Variants in BTRC observed in about 807,000 individuals in gnomAD.
BTRC encodes beta-transducin repeat containing E3 ubiquitin protein ligase, also known as F-box/WD repeat-containing protein 1A.
In BTRC, 42 loss-of-function variants were observed where a neutral mutation model predicts 85.5. The observed-to-expected ratio is 0.49, with a 90% CI of 0.38 to 0.64. The LOEUF (loss-of-function observed/expected upper bound fraction) is 0.64, where lower values mean the gene tolerates loss of function less well. Among genes scored for constraint, BTRC ranks in the 30% least tolerant of loss-of-function variants. BTRC has a pLI of 0.00. For synonymous variants in BTRC, 255 were observed against 263.3 expected, an observed-to-expected ratio of 0.97 and a Z score of 0.30; for missense variants, 594 against 743.5, an observed-to-expected ratio of 0.80 and a Z score of 2.34.
intron 2 of BTRC, among the ~76,000 whole-genome samples, chr10:101,453,203 A>G (rs1261353016): frequency 6.6e-6 from 1 of 152,238 alleles, no homozygotes; most frequent in African/African-American, 2.4e-5. Context: ...TTACCATTGA[A>G]GTTCACTATA....
At chr10:101,508,621 G>A (rs1312361661) in intron 4 of BTRC, among the ~76,000 whole-genome samples, 1 of 152,096 alleles carries the variant, frequency 6.6e-6, no homozygotes, top group Non-Finnish European at 1.5e-5. Flanking sequence ...TAAAGTTTAA[G>A]AACTAAAAGT....
intron 1 of BTRC, among the ~76,000 whole-genome samples, chr10:101,366,967 AATATATATTTATATATTT>A (rs1942453237): frequency 3.3e-5 from 1 of 30,020 alleles, no homozygotes; most frequent in African/African-American, 8.3e-5. Flanking sequence ...TATTTATATA[AATATATATTTATATATTT>A]ATATATATTA....
chr10:101,525,011 A>G (rs537168931), intron 5 of BTRC, among the ~76,000 whole-genome samples: 1 of 152,362 alleles, frequency 6.6e-6, no homozygotes, highest in African/African-American at 2.4e-5. Context: ...GAGTGAGAGT[A>G]TGAAGGAATC....
At chr10:101,522,716 C>T (rs1358381755) in intron 5 of BTRC, among the ~76,000 whole-genome samples, 2 of 152,086 alleles carry the variant, frequency 1.3e-5, no homozygotes, top group East Asian at 3.9e-4. Context: ...CCACCGTACC[C>T]AGCCAAGACT....
chr10:101,389,126 T>G (rs1297168641), intron 1 of BTRC, among the ~76,000 whole-genome samples: 3 of 134,072 alleles, frequency 2.2e-5, no homozygotes, highest in South Asian at 2.6e-4. Flanking sequence ...TGTGTTTTTT[T>G]TTTTTTTTTT....
rs561036899 is a variant in BTRC at position 101,544,034 on chromosome 10, A to G, written c.1656+5663A>G. On this transcript the variant is annotated intron_variant, in intron 13 of 14. Coordinates refer to ENST00000370187, the MANE Select transcript of BTRC (RefSeq NM_033637.4). Reference sequence around the variant, plus strand: ...AAGCAATTCTCCTGCCTCAGCCTCCAGAGTAGCTGGGACTACAGGCGCCCG... The same window carrying G: ...AAGCAATTCTCCTGCCTCAGCCTCCGGAGTAGCTGGGACTACAGGCGCCCG... 5.3e-5 allele frequency among the ~76,000 whole-genome samples: 8 copies of G among 152,044 alleles called. No homozygotes were observed. The South Asian group carries it at 1.2e-3, about 24-fold the overall frequency.
intron 13 of BTRC, among the ~76,000 whole-genome samples, chr10:101,547,340 T>TTC (rs1554899040): frequency 7.1e-6 from 1 of 139,954 alleles, no homozygotes; most frequent in Non-Finnish European, 1.6e-5. Context: ...TTTTTTTTTT[T>TTC]TTTTTTTTTT....
intron 1 of BTRC, among the ~76,000 whole-genome samples, chr10:101,406,648 C>T (rs1157648222): frequency 1.3e-5 from 2 of 149,564 alleles, no homozygotes. Flanking sequence ...ATTCTCCTGC[C>T]TCAGCCTCCC....
Position 101,556,867 on chromosome 10 carries a change from G to A in BTRC, c.*3744G>A, listed in dbSNP as rs1289293698. On this transcript the variant is annotated 3_prime_UTR_variant, in exon 15 of 15. Transcript: ENST00000370187. The stretch of plus-strand genomic sequence containing the variant: ...AGCACAGCTGGCGCTCTTAGCTCCT[G>A]ATTGGTTGTGTGTTTTATTAAGGAT... 1 of 152,234 alleles carries A rather than the reference G, an allele frequency of 6.6e-6. No homozygotes were observed. The highest frequency in any genetic ancestry group is 1.5e-5 in the Non-Finnish European group (1 of 68,056). 9.4% of individuals were successfully genotyped at this position (152,234 alleles called of 1,614,324 possible).
intron 13 of BTRC, among the ~76,000 whole-genome samples, chr10:101,545,982 C>A (rs2062552388): frequency 6.6e-6 from 1 of 152,144 alleles, no homozygotes; most frequent in South Asian, 2.1e-4. Context: ...AGGCAAAAAA[C>A]CATAGAACTG....
intron 4 of BTRC, among the ~76,000 whole-genome samples, chr10:101,493,241 A>T (rs1239478427): frequency 6.6e-6 from 1 of 152,234 alleles, no homozygotes. Flanking sequence ...AAAGTGAAAA[A>T]TTTTTAAAAA....
At chr10:101,372,501 G>C (rs1184963266) in intron 1 of BTRC, among the ~76,000 whole-genome samples, 2 of 148,518 alleles carry the variant, frequency 1.3e-5, no homozygotes, top group African/African-American at 4.9e-5. Context: ...TGATCTGCCC[G>C]CCTCGGCCTC....
intron 3 of BTRC, among the ~76,000 whole-genome samples, chr10:101,475,922 C>CAAATATATATAT (rs1945667258): frequency 1.5e-5 from 1 of 67,538 alleles, no homozygotes; most frequent in African/African-American, 4.9e-5. Flanking sequence ...AGTATTTTGC[C>CAAATATATATAT]ATATATATAT....
intron 6 of BTRC, among the ~76,000 whole-genome samples, chr10:101,530,818 A>G (rs552199914): frequency 2.0e-5 from 3 of 152,342 alleles, no homozygotes; most frequent in East Asian, 3.9e-4. Flanking sequence ...GCAGACAGCT[A>G]TGGAGAGTAT....
At chr10:101,370,734 T>C (rs1446794454) in intron 1 of BTRC, among the ~76,000 whole-genome samples, 1 of 151,058 alleles carries the variant, frequency 6.6e-6, no homozygotes. Context: ...AAACATCGGC[T>C]AATTTTTTTG....
chr10:101,354,099 G>C (rs1435086336), upstream of BTRC: 3 of 1,484,354 alleles, frequency 2.0e-6, no homozygotes, highest in African/African-American at 2.8e-5. Context: ...AAGAGGAGGC[G>C]GGATCCGGGC....
At chr10:101,467,585 T>C (rs1006522310) in intron 3 of BTRC, among the ~76,000 whole-genome samples, 1 of 152,078 alleles carries the variant, frequency 6.6e-6, no homozygotes, top group Non-Finnish European at 1.5e-5. Flanking sequence ...ATACTTTCGT[T>C]TGGGGTTTGC....
chr10:101,358,382 C>T (rs1024763062), intron 1 of BTRC, among the ~76,000 whole-genome samples: 3 of 152,102 alleles, frequency 2.0e-5, no homozygotes, highest in Non-Finnish European at 4.4e-5. Context: ...GGATTACAGG[C>T]GTGAGCCACC....
chr10:101,452,715 T>C (rs1414641594), intron 2 of BTRC, among the ~76,000 whole-genome samples: 1 of 152,164 alleles, frequency 6.6e-6, no homozygotes, highest in African/African-American at 2.4e-5. Context: ...ATTGGTATAT[T>C]ACTAGAAAAG....
Sources: allele counts gnomAD v4.1 joint callset (sites outside exome capture counted in the v4.1 genomes callset), GRCh38; gene constraint gnomAD v4.1.1; transcripts MANE v1.5; gene names NCBI Gene and HGNC (gene_info 2026-07-23, HGNC 2026-07-21).